The following PRPSAP2 variants were observed in gnomAD, a reference collection of about 807,000 sequenced individuals.
The protein encoded by PRPSAP2 is phosphoribosyl pyrophosphate synthetase associated protein 2, also known as phosphoribosyl pyrophosphate synthase-associated protein 2.
A neutral mutation model predicts 40.6 loss-of-function variants in PRPSAP2; 24 were observed. That is an observed-to-expected ratio of 0.59 (90% CI 0.43 to 0.83). The LOEUF (loss-of-function observed/expected upper bound fraction) is 0.83. Ranked by LOEUF, PRPSAP2 falls within the 40% of genes least tolerant of loss-of-function variation. The pLI is 0.00. For missense variants in PRPSAP2, 292 were observed against 465.6 expected (o/e 0.63, Z 3.43); for synonymous variants, 149 against 164.7 (o/e 0.90, Z 0.73).
chr17:18,870,119 C>CT (rs1482977434), intron 4 of PRPSAP2, among the ~76,000 whole-genome samples: 2 of 152,028 alleles, frequency 1.3e-5, no homozygotes, highest in African/African-American at 4.8e-5. Flanking sequence ...AACTATTTTC[C>CT]TACATTTTTA....
intron 8 of PRPSAP2, among the ~76,000 whole-genome samples, chr17:18,901,710 A>G (rs1229635358): frequency 3.3e-5 from 5 of 151,918 alleles, no homozygotes; most frequent in African/African-American, 1.2e-4. Flanking sequence ...TGTAACATCC[A>G]GGGGTTTTAG....
intron 8 of PRPSAP2, among the ~76,000 whole-genome samples, chr17:18,900,011 T>C (rs552079792): frequency 6.6e-6 from 1 of 152,206 alleles, no homozygotes; most frequent in South Asian, 2.1e-4. Context: ...CTCAGCCTCC[T>C]GAGGAGCTGG....
At chr17:18,925,224 C>T (rs1454940244) in intron 10 of PRPSAP2, among the ~76,000 whole-genome samples, 4 of 152,142 alleles carry the variant, frequency 2.6e-5, no homozygotes, top group Non-Finnish European at 4.4e-5. Flanking sequence ...CACTTCATGC[C>T]TGTATATTTT....
At chr17:18,916,599 C>T (rs566596779) in intron 9 of PRPSAP2, among the ~76,000 whole-genome samples, 13 of 152,144 alleles carry the variant, frequency 8.5e-5, no homozygotes, top group East Asian at 5.8e-4. Context: ...TCAGGCTGGT[C>T]GCGAACCCCT....
chr17:18,899,448 T>C (rs901800607), intron 8 of PRPSAP2, among the ~76,000 whole-genome samples: 5 of 151,806 alleles, frequency 3.3e-5, no homozygotes, highest in Non-Finnish European at 7.4e-5. Flanking sequence ...TCCAGTTCAC[T>C]GATTCTTTCC....
At chr17:18,903,496 G>A (rs1202205654) in intron 8 of PRPSAP2, among the ~76,000 whole-genome samples, 1 of 152,166 alleles carries the variant, frequency 6.6e-6, no homozygotes, top group African/African-American at 2.4e-5. Context: ...CACTTTGGGA[G>A]GCTGAGGTTG....
intron 8 of PRPSAP2, among the ~76,000 whole-genome samples, chr17:18,910,392 T>A (rs1208250830): frequency 6.6e-6 from 1 of 151,680 alleles, no homozygotes; most frequent in East Asian, 1.9e-4. Context: ...CCACCACACT[T>A]CAGTCTGGGC....
In PRPSAP2 at chr17:18,872,594, C is replaced by G; in HGVS notation, c.184C>G (p.Gln62Glu). The stretch of plus-strand genomic sequence containing the variant: ...CCTTTTCCTGCCAGAAACAAGAGTA[C>G]AAATTCAAGAGTCTGTGAGGGGAAA... ...YQEPNRETRV[Q>E]IQESVRGKDV... Residue 62 changes from glutamine to glutamate, a missense_variant, in exon 5 of 12, where the codon CAA (glutamine) becomes GAA (glutamate). Around this residue, in one of 2 missense-constraint regions of PRPSAP2, gnomAD observed 241 missense variants for 425.7 expected, o/e 0.57. Transcript: ENST00000268835. 6.3e-7 allele frequency: 1 copy of G among 1,590,604 alleles called. No homozygotes were observed. The highest frequency in any genetic ancestry group is 8.6e-7 in the Non-Finnish European group (1 of 1,159,492).
intron 8 of PRPSAP2, among the ~76,000 whole-genome samples, chr17:18,892,618 G>A (rs2039618032): frequency 7.2e-6 from 1 of 139,064 alleles, no homozygotes. Context: ...AATGAGACAG[G>A]GTCTCAGTAT....
chr17:18,864,138 G>A (rs2037257401), intron 1 of PRPSAP2, among the ~76,000 whole-genome samples: 1 of 152,024 alleles, frequency 6.6e-6, no homozygotes, highest in Non-Finnish European at 1.5e-5. Flanking sequence ...ACAGGCGTGA[G>A]CCACTGTGCC....
At chr17:18,924,187 C>T (rs1305517672) in intron 10 of PRPSAP2, among the ~76,000 whole-genome samples, 1 of 152,114 alleles carries the variant, frequency 6.6e-6, no homozygotes, top group Non-Finnish European at 1.5e-5. Context: ...TTACAGGTGC[C>T]TGCTACCACG....
At chr17:18,885,862 C>CCACTGGCCA (rs2039105886) in intron 7 of PRPSAP2, among the ~76,000 whole-genome samples, 1 of 152,104 alleles carries the variant, frequency 6.6e-6, no homozygotes, top group Non-Finnish European at 1.5e-5. Flanking sequence ...GCTGGGATTA[C>CCACTGGCCA]AGGTGTGAAC....
At chr17:18,889,394 T>A (rs555721001) in intron 7 of PRPSAP2, among the ~76,000 whole-genome samples, 7 of 152,370 alleles carry the variant, frequency 4.6e-5, no homozygotes, top group Admixed American at 3.3e-4. Context: ...AACAAATTGG[T>A]TGCTTCAACA....
At chr17:18,915,944 C>T (rs2041283682) in intron 9 of PRPSAP2, among the ~76,000 whole-genome samples, 1 of 151,632 alleles carries the variant, frequency 6.6e-6, no homozygotes, top group Non-Finnish European at 1.5e-5. Flanking sequence ...CTCAGCCTCC[C>T]GAGTAGCTGG....
chr17:18,866,336 G>A (rs1160512365), intron 3 of PRPSAP2, among the ~76,000 whole-genome samples: 1 of 152,090 alleles, frequency 6.6e-6, no homozygotes, highest in East Asian at 1.9e-4. Flanking sequence ...AGGCCAAGGC[G>A]GGTGTATCAC....
At chr17:18,927,009 T>C (rs2042015572) in intron 10 of PRPSAP2, among the ~76,000 whole-genome samples, 1 of 152,198 alleles carries the variant, frequency 6.6e-6, no homozygotes, top group African/African-American at 2.4e-5. Context: ...TTATAAAGAA[T>C]AGAAGAAATT....
intron 6 of PRPSAP2, among the ~76,000 whole-genome samples, chr17:18,881,347 C>T (rs1242016128): frequency 6.6e-6 from 1 of 151,752 alleles, no homozygotes; most frequent in Non-Finnish European, 1.5e-5. Flanking sequence ...AGCGAATTCT[C>T]CTGCCTCAGC....
At chr17:18,879,460 A>T (rs1023776739) in intron 6 of PRPSAP2, among the ~76,000 whole-genome samples, 1 of 124,584 alleles carries the variant, frequency 8.0e-6, no homozygotes, top group African/African-American at 3.1e-5. Flanking sequence ...AATTATTATT[A>T]TTTTTATTTT....
In PRPSAP2 at chr17:18,892,741, A is replaced by ATTTTTTTT. The variant is rs1252254393; in HGVS notation, c.584+2867_584+2868insTTTTTTTT. 6.3e-3 allele frequency among the ~76,000 whole-genome samples: 436 copies of ATTTTTTTT among 69,660 alleles called. 5 individuals carry two copies. Among genetic ancestry groups the ATTTTTTTT allele is most frequent in the African/African-American group, 0.014 (274 of 19,994 alleles). 45.7% of individuals were successfully genotyped at this position (69,660 alleles called of 152,430 possible). On this transcript the variant is annotated intron_variant, in intron 8 of 11. Transcript: ENST00000268835. ...TGTGTGTGTGTGTATTTATTTATTT[A>ATTTTTTTT]TTTATTTTTTTGAGACAGAGTCTCG... is the stretch of plus-strand genomic sequence containing the variant.
Sources: gnomAD v4.1 joint callset for allele counts (sites outside exome capture counted in the v4.1 genomes callset) on GRCh38, gnomAD v4.1.1 for gene constraint, gnomAD v4.1.1 regional missense constraint, MANE v1.5 for transcripts, NCBI Gene and HGNC (gene_info 2026-07-23, HGNC 2026-07-21) for gene names.